Variants in EYS observed in about 807,000 individuals in gnomAD.
EYS encodes the protein EGF-like photoreceptor maintenance factor, also known as protein eyes shut homolog.
Under a neutral mutation model 282.1 loss-of-function variants are expected in EYS, and 250 were observed. The observed-to-expected ratio is 0.89, with a 90% CI of 0.80 to 0.98. EYS has a LOEUF of 0.98. EYS is among the 50% of genes least tolerant of loss of function. The pLI, the probability that EYS is intolerant of heterozygous loss-of-function variation, is 0.00. For missense variants in EYS, 4,016 were observed against 3,709.0 expected, an observed-to-expected ratio of 1.08 and a Z score of -2.15; for synonymous variants, 1,355 against 1,282.9, an observed-to-expected ratio of 1.06 and a Z score of -1.20.
At chr6:64,714,630 A>G (rs1771322513) in intron 22 of EYS, among the ~76,000 whole-genome samples, 1 of 146,770 alleles carries the variant, frequency 6.8e-6, no homozygotes, top group African/African-American at 2.6e-5. Context: ...GGTTCACACC[A>G]CTCTCCTGCC....
chr6:64,293,540 A>G (rs1768789991), intron 30 of EYS, among the ~76,000 whole-genome samples: 1 of 152,076 alleles, frequency 6.6e-6, no homozygotes, highest in African/African-American at 2.4e-5. Flanking sequence ...GTAACATAAC[A>G]TTTAGTCCTG....
intron 32 of EYS, among the ~76,000 whole-genome samples, chr6:64,069,641 A>G (rs1440148323): frequency 6.6e-6 from 1 of 152,128 alleles, no homozygotes; most frequent in Non-Finnish European, 1.5e-5. Flanking sequence ...ATATGGATAG[A>G]TAGGTAGAAT....
At chr6:64,971,827 T>C (rs1156404489) in intron 14 of EYS, among the ~76,000 whole-genome samples, 2 of 152,144 alleles carry the variant, frequency 1.3e-5, no homozygotes, top group Non-Finnish European at 2.9e-5. Context: ...CATGAAATTG[T>C]GGAAGAATTA....
intron 26 of EYS, among the ~76,000 whole-genome samples, chr6:64,461,548 A>G (rs1775747905): frequency 6.6e-6 from 1 of 152,220 alleles, no homozygotes; most frequent in Non-Finnish European, 1.5e-5. Flanking sequence ...GAACAAGTAC[A>G]TTAAATATAG....
intron 8 of EYS, among the ~76,000 whole-genome samples, chr6:65,375,602 A>T (rs1417305788): frequency 6.6e-6 from 1 of 152,080 alleles, no homozygotes; most frequent in East Asian, 1.9e-4. Flanking sequence ...GAGCTAAAGG[A>T]AGCAATGCAA....
chr6:65,372,930 A>C (rs924736099), intron 8 of EYS, among the ~76,000 whole-genome samples: 1 of 152,136 alleles, frequency 6.6e-6, no homozygotes, highest in Admixed American at 6.6e-5. Flanking sequence ...ACTATGAAGA[A>C]TGCTTTATTC....
At chr6:64,306,287 T>C (rs985365916) in intron 30 of EYS, among the ~76,000 whole-genome samples, 12 of 152,184 alleles carry the variant, frequency 7.9e-5, no homozygotes, top group Non-Finnish European at 1.6e-4. Context: ...GCTTTTATGC[T>C]GTCCTGTGAT....
At chr6:65,288,085 T>G (rs1322304019) in intron 12 of EYS, among the ~76,000 whole-genome samples, 1 of 151,212 alleles carries the variant, frequency 6.6e-6, no homozygotes, top group Non-Finnish European at 1.5e-5. Flanking sequence ...ATGAAAATTA[T>G]GTAGCAGAAT....
chr6:64,414,348 A>G (rs1426343644), intron 28 of EYS, among the ~76,000 whole-genome samples: 1 of 152,142 alleles, frequency 6.6e-6, no homozygotes, highest in African/African-American at 2.4e-5. Flanking sequence ...AAATTTGTGT[A>G]AAATTAAGTT....
At chr6:64,331,720 G>C (rs1770654281) in intron 29 of EYS, among the ~76,000 whole-genome samples, 1 of 152,076 alleles carries the variant, frequency 6.6e-6, no homozygotes, top group South Asian at 2.1e-4. Flanking sequence ...AGCCATTTGT[G>C]AGCAATGTTT....
At position 64,255,977 on chromosome 6, in the gene EYS, T is replaced by C. The variant is rs1767386674; in HGVS notation, c.6192-25153A>G. 2.6e-5 allele frequency among the ~76,000 whole-genome samples: 4 copies of C among 152,052 alleles called. No individual in the cohort carries two copies. The South Asian group carries it at 8.3e-4, about 31-fold the overall frequency. Reference sequence around the variant, plus strand: ...AAATAATTAAAATTCATATTTTGTATATTTCCATGTGCGACTGTAAGAGCT... The same window carrying C: ...AAATAATTAAAATTCATATTTTGTACATTTCCATGTGCGACTGTAAGAGCT... On this transcript the variant is annotated intron_variant, in intron 30 of 42. Transcript: ENST00000503581.
intron 19 of EYS, among the ~76,000 whole-genome samples, chr6:64,871,970 A>G (rs1402163011): frequency 6.6e-6 from 1 of 152,062 alleles, no homozygotes; most frequent in East Asian, 1.9e-4. Flanking sequence ...TGATTATAAA[A>G]GTCTTTATCC....
intron 18 of EYS, among the ~76,000 whole-genome samples, chr6:64,896,545 GTT>G (rs796873824): frequency 3.8e-4 from 32 of 85,262 alleles, no homozygotes; most frequent in Admixed American, 1.3e-3. Context: ...AGGAGTTGTT[GTT>G]TTTTTTTTTT....
intron 35 of EYS, among the ~76,000 whole-genome samples, chr6:63,897,535 G>A (rs1206201772): frequency 6.6e-6 from 1 of 152,160 alleles, no homozygotes; most frequent in African/African-American, 2.4e-5. Flanking sequence ...GAAGAGGCAA[G>A]ATATGGATTC....
rs35562314 is a variant in EYS, at chr6:64,061,964, C to CAA, written c.6725+4372_6725+4373dup. ...CGTGGGCAACAGAGCGAGACTCTTT[C>CAA]AAAAAAAAAAAAAAGTTTTTAGCCA... is the stretch of plus-strand genomic sequence containing the variant. On this transcript the variant is annotated intron_variant, in intron 33 of 42. Transcript: ENST00000503581. Among the ~76,000 whole-genome samples the CAA allele has an allele frequency of 4.9e-5, 6 of 123,576 alleles. No homozygotes were observed. The East Asian group carries it at 7.0e-4, about 14-fold the overall frequency. 81.1% of individuals were successfully genotyped at this position (123,576 alleles called of 152,430 possible). A position where few individuals can be genotyped will look rare whatever the true frequency, so the allele number is the denominator to read the frequency against.
In EYS at chr6:64,179,996, C is replaced by T. The variant is rs1404009941; in HGVS notation, c.6424+50596G>A. On this transcript the variant is annotated intron_variant, in intron 31 of 42. Coordinates refer to ENST00000503581, the MANE Select transcript of EYS (RefSeq NM_001142800.2). Reference sequence around the variant, plus strand: ...ACACATTAGGAAGACGTTATCAGATCTGAGGTTTGAGATAAAACAAAATGA... The same window carrying T: ...ACACATTAGGAAGACGTTATCAGATTTGAGGTTTGAGATAAAACAAAATGA... Among the ~76,000 whole-genome samples, 3 of 152,020 alleles carry T rather than the reference C, an allele frequency of 2.0e-5. No homozygotes were observed. The East Asian group carries it at 5.8e-4, about 29-fold the overall frequency.
intron 2 of EYS, among the ~76,000 whole-genome samples, chr6:65,526,640 C>T (rs148612936): frequency 3.3e-5 from 5 of 152,002 alleles, no homozygotes; most frequent in Admixed American, 1.3e-4. Flanking sequence ...CCCGTCTCTA[C>T]TAAAAAATAC....
intron 31 of EYS, among the ~76,000 whole-genome samples, chr6:64,119,398 C>A (rs989424786): frequency 6.6e-6 from 1 of 152,130 alleles, no homozygotes; most frequent in African/African-American, 2.4e-5. Flanking sequence ...TTTGATACAG[C>A]ATAAGTATAA....
chr6:63,845,900 T>C (rs1772086717), intron 36 of EYS, among the ~76,000 whole-genome samples: 1 of 152,140 alleles, frequency 6.6e-6, no homozygotes, highest in Admixed American at 6.5e-5. Flanking sequence ...GTGGGAGAAA[T>C]AGCTGTTGAG....
Sources: gnomAD v4.1 joint callset for allele counts (sites outside exome capture counted in the v4.1 genomes callset) on GRCh38, gnomAD v4.1.1 for gene constraint, MANE v1.5 for transcripts, NCBI Gene and HGNC (gene_info 2026-07-23, HGNC 2026-07-21) for gene names.